Variants in SPTB observed in about 807,000 individuals in gnomAD.
SPTB encodes spectrin beta chain, erythrocytic.
Under a neutral mutation model 256.2 loss-of-function variants are expected in SPTB, and 45 were observed. The observed-to-expected ratio is 0.18, with a 90% CI of 0.14 to 0.23. The LOEUF (loss-of-function observed/expected upper bound fraction) is 0.23. SPTB is among the 10% of genes least tolerant of loss of function. The pLI, the probability that SPTB is intolerant of heterozygous loss-of-function variation, is 1.00. For missense variants in SPTB, 2,715 were observed against 3,040.4 expected, an observed-to-expected ratio of 0.89 and a Z score of 2.52; for synonymous variants, 1,231 against 1,243.1, an observed-to-expected ratio of 0.99 and a Z score of 0.21.
In SPTB at chr14:64,746,873, G is replaced by A. The variant is rs968791229; in HGVS notation, c.*2433C>T. ...CGTTTGGGAATACTGTCAAAAGACTGTAGAGTAGAATAAGGAGAGAAAAAA... is the reference window on the plus strand; with the variant it reads ...CGTTTGGGAATACTGTCAAAAGACTATAGAGTAGAATAAGGAGAGAAAAAA... On this transcript the variant is annotated 3_prime_UTR_variant, in exon 36 of 36. Coordinates refer to ENST00000644917, the MANE Select transcript of SPTB (RefSeq NM_001355436.2). The surrounding 1 kb of genome is among the most constrained non-coding windows in gnomAD (Gnocchi z 4.9). 2.0e-5 allele frequency: 3 copies of A among 152,114 alleles called. No individual in the cohort carries two copies. The highest frequency in any genetic ancestry group is 7.3e-5 in the African/African-American group (3 of 41,290). The allele number at this position is 152,114 out of a possible 1,614,324, so 9.4% of individuals were successfully genotyped here. A position where few individuals can be genotyped will look rare whatever the true frequency, so the allele number is the denominator to read the frequency against.
chr14:64,776,307 T>G (rs868839208), intron 22 of SPTB, among the ~76,000 whole-genome samples: 1 of 152,190 alleles, frequency 6.6e-6, no homozygotes, highest in Non-Finnish European at 1.5e-5. Flanking sequence ...CTGAAATGCA[T>G]TTTTACACTT....
intron 1 of SPTB, among the ~76,000 whole-genome samples, chr14:64,863,288 AAT>A (rs989949493): frequency 2.6e-5 from 4 of 152,306 alleles, no homozygotes; most frequent in African/African-American, 9.6e-5. Flanking sequence ...CACTAACACT[AAT>A]GATAGCTGAT....
chr14:64,752,830 C>T (rs947509185), intron 33 of SPTB, among the ~76,000 whole-genome samples: 1 of 152,152 alleles, frequency 6.6e-6, no homozygotes, highest in Non-Finnish European at 1.5e-5. Flanking sequence ...CTTCAACCTC[C>T]TGGTGCTGCC....
intron 1 of SPTB, among the ~76,000 whole-genome samples, chr14:64,830,358 ATTATTATTATTATTATTAT>A (rs1483771722): frequency 2.1e-4 from 26 of 126,582 alleles, no homozygotes; most frequent in African/African-American, 5.5e-4. Context: ...TATTATTATT[ATTATTATTATTATTATTAT>A]TATTTTATTT....
Position 64,879,876 on chromosome 14 carries a change from C to A in SPTB, c.-136G>T. On this transcript the variant is annotated 5_prime_UTR_variant, in exon 1 of 36. Transcript: ENST00000644917. ...AGGGGGAGGAGGGCAGCGCGGGGCTCCTGGCACAGCGGCCGCCGGGCGCCT... is the reference window on the plus strand; with the variant it reads ...AGGGGGAGGAGGGCAGCGCGGGGCTACTGGCACAGCGGCCGCCGGGCGCCT... The A allele has an allele frequency of 6.5e-6, 1 of 153,820 alleles. No individual in the cohort carries two copies. The highest frequency in any genetic ancestry group is 1.8e-4 in the South Asian group (1 of 5,466). The allele number at this position is 153,820 out of a possible 1,614,324, so 9.5% of individuals were successfully genotyped here.
At chr14:64,863,293 T>G (rs999964770) in intron 1 of SPTB, among the ~76,000 whole-genome samples, 1 of 152,138 alleles carries the variant, frequency 6.6e-6, no homozygotes, top group Non-Finnish European at 1.5e-5. Context: ...ACACTAATGA[T>G]AGCTGATGAG....
In SPTB at chr14:64,773,977, C is replaced by A. The variant is rs111773942; in HGVS notation, c.4973+420G>T. 5.5e-3 allele frequency among the ~76,000 whole-genome samples: 841 copies of A among 152,330 alleles called. 9 individuals are homozygous for A. Among genetic ancestry groups the A allele is most frequent in the African/African-American group, 0.019 (807 of 41,568 alleles). ...TTTATGCAGGATCCACAAAACCTCG[C>A]AGCCCATGTGGGCACAGGTTTCCAC... is the stretch of plus-strand genomic sequence containing the variant. On this transcript the variant is annotated intron_variant, in intron 24 of 35. Transcript: ENST00000644917.
In SPTB at chr14:64,772,735, G is replaced by A. The variant is rs777877007; in HGVS notation, c.5398C>T (p.His1800Tyr). The change falls in exon 26 of 36, where the codon CAC (histidine) becomes TAC (tyrosine). Residue 1800 changes from histidine to tyrosine, a missense_variant. Physicochemically the swap from His to Tyr is moderately conservative, Grantham distance 83. Transcript: ENST00000644917. This position sits in a 1 kb window ranked among gnomAD's most constrained non-coding sequence, Gnocchi z 5.4. ...MQLLAASYDLHRYFYTGAEIL... is the reference protein window; with the variant it reads ...MQLLAASYDLYRYFYTGAEIL... The stretch of plus-strand genomic sequence containing the variant: ...TCGGCACCCGTGTAGAAGTAGCGGT[G>A]CAGGTCATAGGAGGCGGCCAGCAGC... 10 of 1,613,938 alleles carry A rather than the reference G, an allele frequency of 6.2e-6. No individual in the cohort carries two copies. The highest frequency in any genetic ancestry group is 7.6e-6 in the Non-Finnish European group (9 of 1,180,024).
chr14:64,760,830 T>C lies in SPTB; in HGVS notation c.6345+5896A>G, dbSNP rs572510739. ...TGGGGGTCGTACAGAATGAGTGACC[T>C]GTCCATAGTCACACATTAGTGAGGA... is the stretch of plus-strand genomic sequence containing the variant. On this transcript the variant is annotated intron_variant, in intron 32 of 35. Coordinates refer to ENST00000644917, the MANE Select transcript of SPTB (RefSeq NM_001355436.2). The surrounding 1 kb of genome is among the most constrained non-coding windows in gnomAD (Gnocchi z 4.3). Among the ~76,000 whole-genome samples, 23 of 152,348 alleles carry C rather than the reference T, an allele frequency of 1.5e-4. No individual in the cohort carries two copies. The highest frequency in any genetic ancestry group is 3.4e-3 in the Middle Eastern group (1 of 294).
chr14:64,750,910 TA>T (rs1452997142), intron 33 of SPTB, among the ~76,000 whole-genome samples: 2 of 145,388 alleles, frequency 1.4e-5, no homozygotes, highest in Non-Finnish European at 3.0e-5. Flanking sequence ...TATAAATATA[TA>T]AAATATGTAT....
intron 1 of SPTB, among the ~76,000 whole-genome samples, chr14:64,830,369 TATTATTA>T (rs1379959063): frequency 1.4e-3 from 142 of 99,316 alleles, no homozygotes; most frequent in African/African-American, 7.5e-3. Context: ...TTATTATTAT[TATTATTA>T]TTATTTTATT....
intron 2 of SPTB, among the ~76,000 whole-genome samples, chr14:64,814,339 CACTT>C (rs1211076089): frequency 2.0e-5 from 3 of 152,124 alleles, no homozygotes; most frequent in Non-Finnish European, 2.9e-5. Flanking sequence ...TTATAGATAA[CACTT>C]AATATATACA....
At chr14:64,797,467 CAAAAA>C (rs57385615) in intron 10 of SPTB, among the ~76,000 whole-genome samples, 441 of 30,830 alleles carry the variant, frequency 0.014, 5 homozygotes, top group African/African-American at 0.043. Flanking sequence ...ACCCTGTCTC[CAAAAA>C]AAAAAAAAAA....
rs185133026 is a variant in SPTB, at chr14:64,827,024, G to A, written c.-51-3879C>T. On this transcript the variant is annotated intron_variant, in intron 1 of 35. Coordinates refer to ENST00000644917, the MANE Select transcript of SPTB (RefSeq NM_001355436.2). This position sits in a 1 kb window ranked among gnomAD's most constrained non-coding sequence, Gnocchi z 4.6. ...ACCTTCACATCCGCCTTTGAGGTCC[G>A]ATGCTAGGCTCAGAGCCTCAACCTC... Among the ~76,000 whole-genome samples, 648 of 152,288 alleles carry A rather than the reference G, an allele frequency of 4.3e-3. 4 individuals carry two copies. The highest frequency in any genetic ancestry group is 0.029 in the South Asian group (139 of 4,824).
At chr14:64,863,470 TA>T (rs1566809230) in intron 1 of SPTB, among the ~76,000 whole-genome samples, 1 of 152,220 alleles carries the variant, frequency 6.6e-6, no homozygotes, top group Non-Finnish European at 1.5e-5. Flanking sequence ...CAATGGCACC[TA>T]CCTGGCTCCA....
chr14:64,763,393 AC>A (rs1392314670), intron 32 of SPTB, among the ~76,000 whole-genome samples: 3 of 152,014 alleles, frequency 2.0e-5, no homozygotes, highest in Non-Finnish European at 1.5e-5. Context: ...GAAGGCAAAC[AC>A]CCCAGCCCTT....
At chr14:64,829,725 T>C (rs866744414) in intron 1 of SPTB, among the ~76,000 whole-genome samples, 2 of 152,298 alleles carry the variant, frequency 1.3e-5, no homozygotes, top group Middle Eastern at 3.4e-3. Context: ...AAAACTTTGA[T>C]AAAATTGGCA....
intron 1 of SPTB, among the ~76,000 whole-genome samples, chr14:64,862,600 G>A (rs577073602): frequency 9.2e-5 from 14 of 152,080 alleles, no homozygotes; most frequent in Admixed American, 2.6e-4. Context: ...TGGCCTGGGC[G>A]CGGTGCCTCA....
At chr14:64,830,370 A>G (rs1180705283) in intron 1 of SPTB, among the ~76,000 whole-genome samples, 51 of 98,528 alleles carry the variant, frequency 5.2e-4, no homozygotes, top group African/African-American at 2.5e-3. Context: ...TATTATTATT[A>G]TTATTATTAT....
Sources: gnomAD v4.1 joint callset for allele counts (sites outside exome capture counted in the v4.1 genomes callset) on GRCh38, gnomAD v4.1.1 for gene constraint, Gnocchi (gnomAD v3.1) non-coding constraint, MANE v1.5 for transcripts, NCBI Gene and HGNC (gene_info 2026-07-23, HGNC 2026-07-21) for gene names.